The following HCFC1 variants were observed in gnomAD, a reference collection of about 807,000 sequenced individuals.
The protein encoded by HCFC1 is host cell factor 1.
In HCFC1, 7 loss-of-function variants were observed where a neutral mutation model predicts 105.5. The ratio of observed to expected loss-of-function variants is 0.07; its 90% CI spans 0.04 to 0.12. The LOEUF is 0.12. Ranked by LOEUF, HCFC1 falls within the 10% of genes least tolerant of loss-of-function variation. HCFC1 has a pLI of 1.00. For missense variants in HCFC1, 1,065 were observed against 1,823.6 expected, an observed-to-expected ratio of 0.58 and a Z score of 7.58; for synonymous variants, 918 against 828.1, an observed-to-expected ratio of 1.11 and a Z score of -1.86.
In HCFC1 at chrX:153,956,293, G is replaced by T; in HGVS notation, c.2754C>A (p.Thr918=). Residue 918 remains threonine, a synonymous_variant, in exon 16 of 26, where the codon ACC becomes ACA. Transcript: ENST00000310441. ...TGGGGTTGATCACCTGGCTTGAGAG[G>T]GTGGCAATGGTGCCCAAGGTGGTGA... The part of the protein sequence containing the change: ...TPITTLGTIA[T]LSSQVINPTA... The T allele has an allele frequency of 2.5e-6, 3 of 1,212,209 alleles. No individual in the cohort carries two copies. The highest frequency in any genetic ancestry group is 3.4e-6 in the Non-Finnish European group (3 of 895,429).
At chrX:153,956,080 G>T in intron 16 of HCFC1, 111 bp downstream of exon 16, 1 of 706,057 alleles carries the variant, frequency 1.4e-6, no homozygotes, top group Non-Finnish European at 2.2e-6. Flanking sequence ...GCTGCACCCG[G>T]CAGCAGCGCA....
rs1056092867 is a variant in HCFC1 at position 153,964,841 on chromosome X, C to A, written c.194-115G>T. The A allele has an allele frequency of 6.3e-6, 5 of 791,810 alleles. No homozygotes were observed. The South Asian group carries it at 1.2e-4, about 18-fold the overall frequency. 65.3% of individuals were successfully genotyped at this position (791,810 alleles called of 1,213,427 possible). On this transcript the variant is annotated intron_variant, in intron 1 of 25. Transcript: ENST00000310441. The stretch of plus-strand genomic sequence containing the variant: ...AGGGGCTGAGCCAGCACCATCCCTG[C>A]GGGCGCTCTAGCAACTCCAGCTGCG...
chrX:153,957,128 T>G, intron 13 of HCFC1, 68 bp from the exon 14 acceptor site: 1 of 1,120,228 alleles, frequency 8.9e-7, no homozygotes, highest in South Asian at 2.0e-5. Flanking sequence ...CCCTAGACTA[T>G]AATGAACATC....
Position 153,955,096 on chromosome X carries a change from C to A in HCFC1, c.3303G>T (p.Gln1101His). Residue 1101 changes from glutamine (Q) to histidine (H), a missense_variant, in exon 17 of 26, where the codon CAG becomes CAT. By Grantham distance (24) the Gln-to-His change is conservative. This residue lies in a region of HCFC1 where 546 missense variants were observed against 599.9 expected (regional missense o/e 0.91). Transcript: ENST00000310441. ...CGCAGGGTGGGTTTGAGCAGCCATG[C>A]TGCCCGGCCATGTTGGAGGTGGCGG... ...ATTATSNMAG[Q>H]HGCSNPPCET... The A allele has an allele frequency of 1.7e-6, 2 of 1,203,043 alleles. No individual in the cohort carries two copies. Among genetic ancestry groups the A allele is most frequent in the Non-Finnish European group, 2.2e-6 (2 of 892,553 alleles).
At position 153,958,140 on chromosome X, in the gene HCFC1, G is replaced by T; in HGVS notation, c.1913C>A (p.Ser638Ter). 1 of 1,210,432 alleles carries T rather than the reference G, an allele frequency of 8.3e-7. No homozygotes were observed. The highest frequency in any genetic ancestry group is 1.1e-6 in the Non-Finnish European group (1 of 893,864). ...STRPIITVHK[S>*]GTVTVAQQAQ... Reference sequence around the variant, plus strand: ...TTGCTGGGCCACTGTCACAGTGCCTGACTTGTGCACTGTGATGATAGGGCG... The same window carrying T: ...TTGCTGGGCCACTGTCACAGTGCCTTACTTGTGCACTGTGATGATAGGGCG... The change falls in exon 11 of 26, where the codon TCA becomes TAA. Residue 638 changes from serine (S) to a stop codon, truncating the protein, a stop_gained. Coordinates refer to ENST00000310441, the MANE Select transcript of HCFC1 (RefSeq NM_005334.3). LOFTEE classifies it high-confidence loss of function.
chrX:153,955,329 C>A lies in HCFC1; in HGVS notation c.3070G>T (p.Gly1024Cys), dbSNP rs377006791. 1 of 1,211,733 alleles carries A rather than the reference C, an allele frequency of 8.3e-7. No individual in the cohort carries two copies. The highest frequency in any genetic ancestry group is 1.7e-5 in the African/African-American group (1 of 57,921). ...SNPPCETHET[G>C]TTNTATTTVV... ...GTAGTGGTGGCCGTGTTGGTGGTGCCAGTCTCGTGGGTCTCACAGGGTGGG... is the reference window on the plus strand; with the variant it reads ...GTAGTGGTGGCCGTGTTGGTGGTGCAAGTCTCGTGGGTCTCACAGGGTGGG... The change falls in exon 17 of 26, where the codon GGC becomes TGC. Residue 1024 changes from glycine to cysteine, a missense_variant. This residue lies in a region of HCFC1 where 546 missense variants were observed against 599.9 expected (regional missense o/e 0.91). Transcript: ENST00000310441.
chrX:153,952,401 C>T (rs1189485577), intron 19 of HCFC1, 113 bp downstream of exon 19: 1 of 921,191 alleles, frequency 1.1e-6, no homozygotes, highest in Non-Finnish European at 1.4e-6. Context: ...TCCTCCCCAT[C>T]ACATCTGGCT....
At chrX:153,951,311 C>T in intron 22 of HCFC1, 39 bp downstream of exon 22, 2 of 1,199,526 alleles carry the variant, frequency 1.7e-6, no homozygotes, top group Non-Finnish European at 2.3e-6. Context: ...GGAGCCAAGA[C>T]CCACCCACCT....
At chrX:153,957,150 G>A (rs1369557924) in intron 13 of HCFC1, 90 bp from the exon 14 acceptor site, 3 of 1,054,284 alleles carry the variant, frequency 2.8e-6, no homozygotes, top group Non-Finnish European at 3.9e-6. Context: ...ACAAGTCACA[G>A]CCATAGCCCT....
intron 10 of HCFC1, 88 bp downstream of exon 10, chrX:153,958,481 C>T: frequency 2.2e-6 from 2 of 899,445 alleles, no homozygotes; most frequent in Non-Finnish European, 3.1e-6. Context: ...GCTTATTCTG[C>T]AGCCCACGGT....
Position 153,971,619 on chromosome X carries a change from T to G in HCFC1, c.-779A>C, listed in dbSNP as rs1041359312. 2.4e-5 allele frequency: 7 copies of G among 290,065 alleles called. No homozygotes were observed. The highest frequency in any genetic ancestry group is 4.2e-5 in the Non-Finnish European group (7 of 166,103). 23.9% of individuals were successfully genotyped at this position (290,065 alleles called of 1,213,427 possible). A position where few individuals can be genotyped will look rare whatever the true frequency, so the allele number is the denominator to read the frequency against. ...GAGACTAGCTCCCCGTTCCCCCCTA[T>G]TCTCTTCCTCCTAGGTCAGTTCTTC... On this transcript the variant is annotated 5_prime_UTR_variant, in exon 1 of 26. Coordinates refer to ENST00000310441, the MANE Select transcript of HCFC1 (RefSeq NM_005334.3).
Position 153,954,815 on chromosome X carries a change from G to A in HCFC1, c.3584C>T (p.Pro1195Leu), listed in dbSNP as rs868934897. Reference protein sequence around the residue: ...APCSAGPLLGPSMAREPGGRS... With the variant: ...APCSAGPLLGLSMAREPGGRS... Reference sequence around the variant, plus strand: ...GCCCCCGGGCTCCCGTGCCATGCTCGGCCCAAGGAGTGGGCCGGCCGAGCA... The same window carrying A: ...GCCCCCGGGCTCCCGTGCCATGCTCAGCCCAAGGAGTGGGCCGGCCGAGCA... The change falls in exon 17 of 26, where the codon CCG becomes CTG. Residue 1195 changes from proline (P) to leucine (L), a missense_variant. Pro to Leu is a moderately conservative substitution (Grantham distance 98). Coordinates refer to ENST00000310441, the MANE Select transcript of HCFC1 (RefSeq NM_005334.3). 1.7e-6 allele frequency: 2 copies of A among 1,159,698 alleles called. No individual in the cohort carries two copies. The highest frequency in any genetic ancestry group is 2.3e-6 in the Non-Finnish European group (2 of 872,228).
rs199659358 is a variant in HCFC1, at chrX:153,948,491, AAAAAC to A, written c.*851_*855del. ...GCCAAGAAGAAAAAAGTAAAAAAAC[AAAAAC>A]AAAACAAAACAAAACAAAAAAAAGA... On this transcript the variant is annotated 3_prime_UTR_variant, in exon 26 of 26. Coordinates refer to ENST00000310441, the MANE Select transcript of HCFC1 (RefSeq NM_005334.3). The A allele has an allele frequency of 0.032, 3,594 of 112,666 alleles. 54 individuals carry two copies. The highest frequency in any genetic ancestry group is 0.048 in the African/African-American group (1,470 of 30,914). 9.3% of individuals were successfully genotyped at this position (112,666 alleles called of 1,213,427 possible).
In HCFC1 at chrX:153,954,140, G is replaced by A. The variant is rs1557113507; in HGVS notation, c.4259C>T (p.Pro1420Leu). The A allele has an allele frequency of 8.3e-7, 1 of 1,208,965 alleles. No individual in the cohort carries two copies. Among genetic ancestry groups the A allele is most frequent in the Non-Finnish European group, 1.1e-6 (1 of 894,531 alleles). Reference protein sequence around the residue: ...PFPTQRVCSNPPCETHETGTT... With the variant: ...PFPTQRVCSNLPCETHETGTT... ...GCCCGTCTCGTGGGTCTCACAGGGG[G>A]GGTTGGAGCACACCCTCTGTGTTGG... The change falls in exon 17 of 26, where the codon CCC becomes CTC. Residue 1420 changes from proline (P) to leucine (L), a missense_variant. Physicochemically the swap from Pro to Leu is moderately conservative, Grantham distance 98 (BLOSUM62 -3). This residue lies in a region of HCFC1 where 546 missense variants were observed against 599.9 expected (regional missense o/e 0.91). Coordinates refer to ENST00000310441, the MANE Select transcript of HCFC1 (RefSeq NM_005334.3).
Position 153,952,096 on chromosome X carries a change from G to A in HCFC1, c.5005C>T (p.His1669Tyr). The stretch of plus-strand genomic sequence containing the variant: ...CCCTCCTGACCCTCGGCCGACAGGT[G>A]CCCCAGCTCCGCCTGAGTCACGGTT... ...AATVTQAELG[H>Y]LSAEGQEGQA... The change falls in exon 20 of 26, where the codon CAC becomes TAC. Residue 1669 changes from histidine (H) to tyrosine (Y), a missense_variant. Physicochemically the swap from His to Tyr is moderately conservative, Grantham distance 83. Around this residue, in one of 17 missense-constraint regions of HCFC1, gnomAD observed 115 missense variants for 143.7 expected, o/e 0.80. Transcript: ENST00000310441. 8.7e-7 allele frequency: 1 copy of A among 1,155,666 alleles called. No individual in the cohort carries two copies. Among genetic ancestry groups the A allele is most frequent in the Non-Finnish European group, 1.2e-6 (1 of 869,168 alleles).
Position 153,970,905 on chromosome X carries a change from C to T in HCFC1, c.-65G>A. On this transcript the variant is annotated 5_prime_UTR_variant, in exon 1 of 26. Transcript: ENST00000310441. Reference sequence around the variant, plus strand: ...GGGAAGGGAGCCCCTCAATTCCTTTCACACACCCCCTTTCGTCTAAGGCAG... The same window carrying T: ...GGGAAGGGAGCCCCTCAATTCCTTTTACACACCCCCTTTCGTCTAAGGCAG... 8 of 939,059 alleles carry T rather than the reference C, an allele frequency of 8.5e-6. No homozygotes were observed. Among genetic ancestry groups the T allele is most frequent in the Non-Finnish European group, 1.2e-5 (8 of 694,644 alleles). The allele number at this position is 939,059 out of a possible 1,213,427, so 77.4% of individuals were successfully genotyped here.
At chrX:153,964,313 C>G in intron 2 of HCFC1, 29 bp from the exon 3 acceptor site, 1 of 1,140,883 alleles carries the variant, frequency 8.8e-7, no homozygotes, top group Non-Finnish European at 1.2e-6. Flanking sequence ...GAGACTGAAC[C>G]GTGGGATGAG....
chrX:153,960,242 T>TTGC lies in HCFC1; in HGVS notation c.1076_1077insGCA (p.Leu359_Glu360insGln), dbSNP rs2065416961. 8.4e-7 allele frequency: 1 copy of TTGC among 1,189,455 alleles called. No individual in the cohort carries two copies. The highest frequency in any genetic ancestry group is 1.1e-6 in the Non-Finnish European group (1 of 883,794). ...CGGCTGGGCCGGGCCTACCTGTCTC[T>TTGC]AGGTACCAGAGGTCCTTGCAGCAGA... On this transcript the variant is annotated inframe_insertion, in exon 7 of 26. Coordinates refer to ENST00000310441, the MANE Select transcript of HCFC1 (RefSeq NM_005334.3).
rs1360396448 is a variant in HCFC1 at position 153,951,668 on chromosome X, A to C, written c.5300T>G (p.Val1767Gly). ...PSNTFVAPQP[V>G]VVASPAKLQA... Reference sequence around the variant, plus strand: ...CAGCTTGGCTGGGCTGGCCACCACAACCGGCTGGGGGGCCACAAATGTGTT... The same window carrying C: ...CAGCTTGGCTGGGCTGGCCACCACACCCGGCTGGGGGGCCACAAATGTGTT... The change falls in exon 21 of 26, where the codon GTT becomes GGT. Residue 1767 changes from valine to glycine, a missense_variant. Val to Gly is a moderately radical substitution (Grantham distance 109). This residue lies in a region of HCFC1 where 115 missense variants were observed against 143.7 expected (regional missense o/e 0.80). Transcript: ENST00000310441. The C allele has an allele frequency of 8.3e-6, 10 of 1,209,059 alleles. No homozygotes were observed. Among genetic ancestry groups the C allele is most frequent in the Middle Eastern group, 2.3e-4 (1 of 4,373 alleles).
Sources: gnomAD v4.1 joint callset for allele counts on GRCh38, gnomAD v4.1.1 for gene constraint, gnomAD v4.1.1 regional missense constraint, MANE v1.5 for transcripts, NCBI Gene and HGNC (gene_info 2026-07-23, HGNC 2026-07-21) for gene names.